Variants in SPATS2L observed in about 807,000 individuals in gnomAD.
The protein encoded by SPATS2L is SPATS2-like protein.
Under a neutral mutation model 59.6 loss-of-function variants are expected in SPATS2L, and 30 were observed. The observed-to-expected ratio is 0.50, with a 90% CI of 0.38 to 0.68. The LOEUF is 0.68. Among genes scored for constraint, SPATS2L ranks in the 30% least tolerant of loss-of-function variants. SPATS2L has a pLI of 0.00. For synonymous variants in SPATS2L, 252 were observed against 263.5 expected (o/e 0.96, Z 0.42); for missense variants, 615 against 700.0 (o/e 0.88, Z 1.37).
intron 4 of SPATS2L, among the ~76,000 whole-genome samples, chr2:200,414,155 C>A (rs1434080426): frequency 6.6e-6 from 1 of 151,962 alleles, no homozygotes; most frequent in Non-Finnish European, 1.5e-5. Context: ...GCAGAGTGAT[C>A]TTGATCAGAT....
chr2:200,307,412 C>G (rs1165194504), intron 1 of SPATS2L, among the ~76,000 whole-genome samples: 4 of 151,988 alleles, frequency 2.6e-5, no homozygotes. Context: ...CCTCGGATCC[C>G]AGCCGGGTGC....
chr2:200,423,129 T>C (rs144646438), intron 6 of SPATS2L, among the ~76,000 whole-genome samples: 5 of 152,332 alleles, frequency 3.3e-5, no homozygotes, highest in African/African-American at 4.8e-5. Context: ...AGTATGAAAC[T>C]GAAAACTTAA....
chr2:200,457,436 G>A (rs896266636), intron 8 of SPATS2L, among the ~76,000 whole-genome samples: 6 of 152,172 alleles, frequency 3.9e-5, no homozygotes, highest in African/African-American at 1.2e-4. Context: ...TCCAAGGAGG[G>A]GAACTGAGTA....
chr2:200,472,789 G>C (rs566256949), intron 11 of SPATS2L, 43 bp from the exon 12 acceptor site: 4 of 1,552,208 alleles, frequency 2.6e-6, no homozygotes, highest in African/African-American at 2.7e-5. Context: ...AGGCAGCAGT[G>C]TTGGAGGTGC....
chr2:200,446,593 G>A (rs1407959214), intron 8 of SPATS2L, among the ~76,000 whole-genome samples: 3 of 152,114 alleles, frequency 2.0e-5, no homozygotes, highest in Non-Finnish European at 4.4e-5. Flanking sequence ...TGAATTACCT[G>A]GCCCAAAATG....
intron 2 of SPATS2L, among the ~76,000 whole-genome samples, chr2:200,388,554 A>G (rs2082066953): frequency 6.6e-6 from 1 of 151,988 alleles, no homozygotes; most frequent in Admixed American, 6.6e-5. Context: ...CCTGGGCAAC[A>G]GGTAGGTTTT....
intron 3 of SPATS2L, among the ~76,000 whole-genome samples, chr2:200,400,698 G>A (rs2105956040): frequency 1.3e-5 from 2 of 152,276 alleles, no homozygotes; most frequent in African/African-American, 4.8e-5. Context: ...TAGGAGAGAA[G>A]TCCATTTGAA....
chr2:200,444,539 G>C (rs1224739463), intron 8 of SPATS2L, among the ~76,000 whole-genome samples: 2 of 152,150 alleles, frequency 1.3e-5, no homozygotes, highest in Non-Finnish European at 1.5e-5. Context: ...ATGGGGGCTG[G>C]AGGGAGCAGT....
At chr2:200,429,510 C>G (rs1444778843) in intron 6 of SPATS2L, among the ~76,000 whole-genome samples, 2 of 152,174 alleles carry the variant, frequency 1.3e-5, no homozygotes, top group Non-Finnish European at 2.9e-5. Context: ...CTGAGCTCTT[C>G]TGTTAAGAGG....
intron 3 of SPATS2L, among the ~76,000 whole-genome samples, chr2:200,411,936 C>T (rs2082890662): frequency 6.6e-6 from 1 of 152,056 alleles, no homozygotes; most frequent in African/African-American, 2.4e-5. Context: ...TAAAGATACC[C>T]CCTGAGCCAG....
Position 200,435,880 on chromosome 2 carries a change from A to G in SPATS2L, c.446-3242A>G, listed in dbSNP as rs192287742. On this transcript the variant is annotated intron_variant, in intron 6 of 12. Transcript: ENST00000409140. Reference sequence around the variant, plus strand: ...GTAAACAGGTGAATTAAATTGGGTAATATATTTTATTTAACTTAATGTATC... The same window carrying G: ...GTAAACAGGTGAATTAAATTGGGTAGTATATTTTATTTAACTTAATGTATC... Among the ~76,000 whole-genome samples, 23 of 152,298 alleles carry G rather than the reference A, an allele frequency of 1.5e-4. No homozygotes were observed. In the East Asian group the frequency reaches 4.1e-3, roughly 27 times the overall value.
At chr2:200,393,584 T>C (rs1325592460) in intron 3 of SPATS2L, among the ~76,000 whole-genome samples, 1 of 152,258 alleles carries the variant, frequency 6.6e-6, no homozygotes, top group Non-Finnish European at 1.5e-5. Context: ...TCTTCCCATG[T>C]CAAAAGGTTA....
chr2:200,478,147 A>G lies in SPATS2L; in HGVS notation c.*116A>G. 1 of 974,820 alleles carries G rather than the reference A, an allele frequency of 1.0e-6. No individual in the cohort carries two copies. Among genetic ancestry groups the G allele is most frequent in the Non-Finnish European group, 1.4e-6 (1 of 694,050 alleles). 60.4% of individuals were successfully genotyped at this position (974,820 alleles called of 1,614,324 possible). ...TATACAAATCCCGTATGGTTGTGTC[A>G]TCCTCTCTTAATCATTTTTACTAAT... On this transcript the variant is annotated 3_prime_UTR_variant, in exon 13 of 13. Transcript: ENST00000409140.
intron 2 of SPATS2L, among the ~76,000 whole-genome samples, chr2:200,345,496 A>T (rs1413203668): frequency 6.6e-6 from 1 of 152,058 alleles, no homozygotes; most frequent in Non-Finnish European, 1.5e-5. Flanking sequence ...TTGATTTAGC[A>T]GAGATTATTA....
chr2:200,387,377 T>C (rs183604923), intron 2 of SPATS2L, among the ~76,000 whole-genome samples: 9 of 152,360 alleles, frequency 5.9e-5, no homozygotes, highest in Non-Finnish European at 1.0e-4. Flanking sequence ...GAAGCAAGTA[T>C]GCAGGGTCTC....
intron 2 of SPATS2L, among the ~76,000 whole-genome samples, chr2:200,346,240 G>A (rs925446271): frequency 6.6e-6 from 1 of 152,206 alleles, no homozygotes; most frequent in African/African-American, 2.4e-5. Context: ...GGTTGTTAGT[G>A]GAAAGAGTAT....
At position 200,478,020 on chromosome 2, in the gene SPATS2L, T is replaced by G; in HGVS notation, c.1666T>G (p.Leu556Val). 6.4e-7 allele frequency: 1 copy of G among 1,556,766 alleles called. No individual in the cohort carries two copies. The highest frequency in any genetic ancestry group is 8.7e-7 in the Non-Finnish European group (1 of 1,151,076). ...AGTTCTCTCAGTCCCGGCTGTGACGTTGGTGGCCTGAGCTAGGAGGAAAAA... is the reference window on the plus strand; with the variant it reads ...AGTTCTCTCAGTCCCGGCTGTGACGGTGGTGGCCTGAGCTAGGAGGAAAAA... ...AAVLSVPAVT[L>V]VA Residue 556 changes from leucine (L) to valine (V), a missense_variant, in exon 13 of 13, where the codon TTG becomes GTG. Around this residue, in one of 3 missense-constraint regions of SPATS2L, gnomAD observed 284 missense variants for 280.1 expected, o/e 1.01. Coordinates refer to ENST00000409140, the MANE Select transcript of SPATS2L (RefSeq NM_001100423.2).
intron 3 of SPATS2L, among the ~76,000 whole-genome samples, chr2:200,394,563 C>A (rs2082273061): frequency 6.6e-6 from 1 of 152,090 alleles, no homozygotes; most frequent in African/African-American, 2.4e-5. Context: ...AGTTGACCCC[C>A]AGATAGAGTT....
At chr2:200,393,368 C>T in intron 3 of SPATS2L, 1 of 456,396 alleles carries the variant, frequency 2.2e-6, no homozygotes, top group East Asian at 6.9e-5. Context: ...GCACACAGAT[C>T]ACAGAGGTTC....
Sources: gnomAD v4.1 joint callset for allele counts (sites outside exome capture counted in the v4.1 genomes callset) on GRCh38, gnomAD v4.1.1 for gene constraint, gnomAD v4.1.1 regional missense constraint, MANE v1.5 for transcripts, NCBI Gene and HGNC (gene_info 2026-07-23, HGNC 2026-07-21) for gene names.